Variants in HIF1AN observed in about 807,000 individuals in gnomAD.
The protein encoded by HIF1AN is hypoxia-inducible factor 1-alpha inhibitor.
A neutral mutation model predicts 47.7 loss-of-function variants in HIF1AN; 21 were observed. The ratio of observed to expected loss-of-function variants is 0.44; its 90% CI spans 0.31 to 0.63. The LOEUF is 0.63. Ranked by LOEUF, HIF1AN falls within the 30% of genes least tolerant of loss-of-function variation. The pLI is 0.07. For synonymous variants in HIF1AN, 152 were observed against 155.9 expected (o/e 0.98, Z 0.18); for missense variants, 320 against 432.7 (o/e 0.74, Z 2.31).
intron 7 of HIF1AN, among the ~76,000 whole-genome samples, chr10:100,547,840 TGGGGCAGATTACGGTAA>T: frequency 6.6e-6 from 1 of 150,578 alleles, no homozygotes; most frequent in Non-Finnish European, 1.5e-5. Context: ...TCTGTCCGTT[TGGGGCAGATTACGGTAA>T]GAGACGGTGT....
rs1200223786 is a variant in HIF1AN, at chr10:100,552,165, G to A, written c.*4028G>A. ...ATTCTGCTGTCCTTTCAAACTTCAAGGACAGTATTAATTTATACTAGTATT... is the reference window on the plus strand; with the variant it reads ...ATTCTGCTGTCCTTTCAAACTTCAAAGACAGTATTAATTTATACTAGTATT... On this transcript the variant is annotated 3_prime_UTR_variant, in exon 8 of 8. Coordinates refer to ENST00000299163, the MANE Select transcript of HIF1AN (RefSeq NM_017902.3). The A allele has an allele frequency of 6.6e-6, 1 of 152,234 alleles. No individual in the cohort carries two copies. The highest frequency in any genetic ancestry group is 1.5e-5 in the Non-Finnish European group (1 of 68,048). 9.4% of individuals were successfully genotyped at this position (152,234 alleles called of 1,614,324 possible).
Position 100,556,263 on chromosome 10 carries a change from G to C in HIF1AN, c.*8126G>C, listed in dbSNP as rs1219061023. 1 of 152,180 alleles carries C rather than the reference G, an allele frequency of 6.6e-6. No homozygotes were observed. The highest frequency in any genetic ancestry group is 1.5e-5 in the Non-Finnish European group (1 of 68,030). The allele number at this position is 152,180 out of a possible 1,614,324, so 9.4% of individuals were successfully genotyped here. ...TACTATCACCTATGCCATCAGTGGG[G>C]AATGACCTTCCAAAAATATTTTTAA... On this transcript the variant is annotated 3_prime_UTR_variant, in exon 8 of 8. Transcript: ENST00000299163.
chr10:100,538,839 T>TCC (rs1564661447), intron 2 of HIF1AN, among the ~76,000 whole-genome samples: 2 of 144,678 alleles, frequency 1.4e-5, no homozygotes, highest in Non-Finnish European at 1.5e-5. Flanking sequence ...AAAAAAAAGA[T>TCC]TTCTGATTAA....
chr10:100,540,979 C>T (rs1432237874), intron 3 of HIF1AN, among the ~76,000 whole-genome samples, 197 bp downstream of exon 3: 2 of 152,178 alleles, frequency 1.3e-5, no homozygotes, highest in Admixed American at 6.5e-5. Flanking sequence ...GTTTGGGAGG[C>T]CAAGGTGGGT....
Position 100,559,951 on chromosome 10 carries a change from A to C in HIF1AN, c.*11814A>C, listed in dbSNP as rs1316730510. The C allele has an allele frequency of 6.6e-6, 1 of 151,962 alleles. No individual in the cohort carries two copies. The highest frequency in any genetic ancestry group is 1.5e-5 in the Non-Finnish European group (1 of 68,004). The allele number at this position is 151,962 out of a possible 1,614,324, so 9.4% of individuals were successfully genotyped here. A position where few individuals can be genotyped will look rare whatever the true frequency, so the allele number is the denominator to read the frequency against. ...TGTTTGGCCAATACAAGTTTTTGAA[A>C]GTTTTAAAAAATTGACAACATTAAA... On this transcript the variant is annotated 3_prime_UTR_variant, in exon 8 of 8. Coordinates refer to ENST00000299163, the MANE Select transcript of HIF1AN (RefSeq NM_017902.3).
chr10:100,554,976 A>C lies in HIF1AN; in HGVS notation c.*6839A>C, dbSNP rs897170715. On this transcript the variant is annotated 3_prime_UTR_variant, in exon 8 of 8. Coordinates refer to ENST00000299163, the MANE Select transcript of HIF1AN (RefSeq NM_017902.3). ...TGTGGTGCTCTCAGATCAGTAGGGGAGACAGGCAGGCAGTTAGAATTATGG... is the reference window on the plus strand; with the variant it reads ...TGTGGTGCTCTCAGATCAGTAGGGGCGACAGGCAGGCAGTTAGAATTATGG... The C allele has an allele frequency of 3.3e-5, 5 of 152,170 alleles. No individual in the cohort carries two copies. The highest frequency in any genetic ancestry group is 7.3e-5 in the Non-Finnish European group (5 of 68,050). The allele number at this position is 152,170 out of a possible 1,614,324, so 9.4% of individuals were successfully genotyped here. A position where few individuals can be genotyped will look rare whatever the true frequency, so the allele number is the denominator to read the frequency against.
At chr10:100,542,184 T>A (rs1295978947) in intron 3 of HIF1AN, among the ~76,000 whole-genome samples, 2 of 151,788 alleles carry the variant, frequency 1.3e-5, no homozygotes, top group Non-Finnish European at 1.5e-5. Context: ...TCCATCATAA[T>A]CTTATGGGAG....
At chr10:100,542,616 A>C (rs1303429817) in intron 3 of HIF1AN, among the ~76,000 whole-genome samples, 1 of 152,042 alleles carries the variant, frequency 6.6e-6, no homozygotes, top group Admixed American at 6.5e-5. Flanking sequence ...CGGCCTCCCA[A>C]AGTGCTGGGA....
chr10:100,539,236 T>G (rs1374663538), intron 2 of HIF1AN, among the ~76,000 whole-genome samples: 1 of 152,152 alleles, frequency 6.6e-6, no homozygotes, highest in Non-Finnish European at 1.5e-5. Context: ...CTGGCCTCTT[T>G]GAGCCTTTTG....
intron 6 of HIF1AN, 144 bp downstream of exon 6, chr10:100,546,725 G>T: frequency 1.5e-6 from 1 of 681,698 alleles, no homozygotes; most frequent in African/African-American, 1.8e-5. Flanking sequence ...GGACAGGATT[G>T]AATTGGGTTT....
At position 100,544,991 on chromosome 10, in the gene HIF1AN, T is replaced by C. The variant is rs776447905; in HGVS notation, c.618T>C (p.Phe206=). 13 of 1,614,222 alleles carry C rather than the reference T, an allele frequency of 8.1e-6. No homozygotes were observed. The East Asian group carries it at 1.3e-4, about 17-fold the overall frequency. ...TPAHYDEQQN[F]FAQIKGYKRC... is the part of the protein sequence containing the mutation. ...CTCACTATGATGAGCAGCAGAACTT[T>C]TTTGCTCAGATAAAAGGTTACAAAC... Residue 206 remains phenylalanine, a synonymous_variant, in exon 4 of 8, where the codon TTT becomes TTC. Transcript: ENST00000299163.
In HIF1AN at chr10:100,551,686, C is replaced by G. The variant is rs1357237618; in HGVS notation, c.*3549C>G. ...AAAATGTTTTTGTAATAGTCAACAC[C>G]CCTCATAGCCCACCTGTGACAAGTA... On this transcript the variant is annotated 3_prime_UTR_variant, in exon 8 of 8. Coordinates refer to ENST00000299163, the MANE Select transcript of HIF1AN (RefSeq NM_017902.3). The G allele has an allele frequency of 6.6e-6, 1 of 152,158 alleles. No homozygotes were observed. The highest frequency in any genetic ancestry group is 1.5e-5 in the Non-Finnish European group (1 of 68,024). The allele number at this position is 152,158 out of a possible 1,614,324, so 9.4% of individuals were successfully genotyped here.
At chr10:100,540,821 A>T (rs1313868598) in intron 3 of HIF1AN, 39 bp downstream of exon 3, 2 of 1,551,272 alleles carry the variant, frequency 1.3e-6, no homozygotes, top group Admixed American at 4.3e-5. Flanking sequence ...TTGGAGTCAT[A>T]TGAACCTGAT....
chr10:100,545,428 T>A (rs757053267), intron 4 of HIF1AN: 3 of 270,778 alleles, frequency 1.1e-5, no homozygotes, highest in Non-Finnish European at 2.1e-5. Context: ...AATCATTGTT[T>A]GCTTTTGTCA....
At chr10:100,536,280 A>G in intron 1 of HIF1AN, 131 bp from the exon 2 acceptor site, 1 of 1,324,156 alleles carries the variant, frequency 7.6e-7, no homozygotes, top group South Asian at 1.4e-5. Flanking sequence ...GAGATACGGA[A>G]CTTAGGGGTT....
rs142273536 is a variant in HIF1AN at position 100,549,433 on chromosome 10, G to C, written c.*1296G>C. On this transcript the variant is annotated 3_prime_UTR_variant, in exon 8 of 8. Coordinates refer to ENST00000299163, the MANE Select transcript of HIF1AN (RefSeq NM_017902.3). ...GGCACGGGCAAACACATAGGCTTGCGTCTTAAAGCCAGCTCCTCTGCCAGA... is the reference window on the plus strand; with the variant it reads ...GGCACGGGCAAACACATAGGCTTGCCTCTTAAAGCCAGCTCCTCTGCCAGA... 1 of 152,202 alleles carries C rather than the reference G, an allele frequency of 6.6e-6. No individual in the cohort carries two copies. Among genetic ancestry groups the C allele is most frequent in the Non-Finnish European group, 1.5e-5 (1 of 68,076 alleles). 9.4% of individuals were successfully genotyped at this position (152,202 alleles called of 1,614,324 possible).
Position 100,550,150 on chromosome 10 carries a change from C to T in HIF1AN, c.*2013C>T, listed in dbSNP as rs2062110041. The T allele has an allele frequency of 6.6e-6, 1 of 152,116 alleles. No homozygotes were observed. The highest frequency in any genetic ancestry group is 6.5e-5 in the Admixed American group (1 of 15,286). The allele number at this position is 152,116 out of a possible 1,614,324, so 9.4% of individuals were successfully genotyped here. ...TCTGCTGTATTCCTCGCTCAGCGCTCAAAGATGTGGGTGATGTGTCAAGGA... is the reference window on the plus strand; with the variant it reads ...TCTGCTGTATTCCTCGCTCAGCGCTTAAAGATGTGGGTGATGTGTCAAGGA... On this transcript the variant is annotated 3_prime_UTR_variant, in exon 8 of 8. Transcript: ENST00000299163.
rs550914150 is a variant in HIF1AN, at chr10:100,549,267, G to A, written c.*1130G>A. Reference sequence around the variant, plus strand: ...GGCCAGGTCTCACTGCAGCCTGCCCGAGGCTAACTGGCTAGAGCCTCCAGG... The same window carrying A: ...GGCCAGGTCTCACTGCAGCCTGCCCAAGGCTAACTGGCTAGAGCCTCCAGG... On this transcript the variant is annotated 3_prime_UTR_variant, in exon 8 of 8. Coordinates refer to ENST00000299163, the MANE Select transcript of HIF1AN (RefSeq NM_017902.3). 1.3e-5 allele frequency: 2 copies of A among 152,308 alleles called. No homozygotes were observed. The highest frequency in any genetic ancestry group is 4.1e-4 in the South Asian group (2 of 4,822). The allele number at this position is 152,308 out of a possible 1,614,324, so 9.4% of individuals were successfully genotyped here.
chr10:100,540,953 G>A (rs767069454), intron 3 of HIF1AN, among the ~76,000 whole-genome samples, 171 bp downstream of exon 3: 8 of 152,152 alleles, frequency 5.3e-5, no homozygotes, highest in East Asian at 3.9e-4. Context: ...CGTGGCTCAC[G>A]CCTGTAATCC....
Sources: allele counts gnomAD v4.1 joint callset (sites outside exome capture counted in the v4.1 genomes callset), GRCh38; gene constraint gnomAD v4.1.1; transcripts MANE v1.5; gene names NCBI Gene and HGNC (gene_info 2026-07-23, HGNC 2026-07-21).